The following EML5 variants were observed in gnomAD, a reference collection of about 807,000 sequenced individuals.
The protein encoded by EML5 is EMAP like 5.
A neutral mutation model predicts 250.0 loss-of-function variants in EML5; 120 were observed. The observed-to-expected ratio is 0.48, with a 90% CI of 0.41 to 0.56. The LOEUF (loss-of-function observed/expected upper bound fraction) is 0.56. Ranked by LOEUF, EML5 falls within the 20% of genes least tolerant of loss-of-function variation. EML5 has a pLI of 0.00. For synonymous variants in EML5, 771 were observed against 806.5 expected (o/e 0.96, Z 0.75); for missense variants, 2,006 against 2,437.6 (o/e 0.82, Z 3.73).
intron 25 of EML5, among the ~76,000 whole-genome samples, chr14:88,658,590 G>A (rs1228914731): frequency 6.6e-6 from 1 of 152,056 alleles, no homozygotes; most frequent in East Asian, 1.9e-4. Flanking sequence ...AAAACCAGTA[G>A]TTTCACAAAA....
intron 21 of EML5, among the ~76,000 whole-genome samples, chr14:88,672,840 A>G (rs2092502178): frequency 6.6e-6 from 1 of 152,184 alleles, no homozygotes; most frequent in East Asian, 1.9e-4. Flanking sequence ...GGAACCAGGA[A>G]GAAGTTGAAT....
At chr14:88,686,522 C>CA (rs898831770) in intron 19 of EML5, among the ~76,000 whole-genome samples, 395 of 141,964 alleles carry the variant, frequency 2.8e-3, no homozygotes, top group African/African-American at 6.4e-3. Flanking sequence ...TCCTCCTCTT[C>CA]AAAAAAAAAA....
chr14:88,712,198 G>T, intron 10 of EML5, 73 bp downstream of exon 10: 1 of 1,037,096 alleles, frequency 9.6e-7, no homozygotes, highest in Non-Finnish European at 1.4e-6. Context: ...TTTATCTCAA[G>T]ACTAATTTTC....
chr14:88,776,704 A>C (rs1189895584), intron 1 of EML5, among the ~76,000 whole-genome samples: 1 of 145,200 alleles, frequency 6.9e-6, no homozygotes, highest in East Asian at 2.1e-4. Flanking sequence ...AACATGGCAA[A>C]ACCCTGTCTC....
chr14:88,662,483 G>A (rs1324850034), intron 24 of EML5, among the ~76,000 whole-genome samples: 5 of 149,482 alleles, frequency 3.3e-5, no homozygotes, highest in South Asian at 2.1e-4. Context: ...GCTATTTCAC[G>A]CTTCTTGTCT....
chr14:88,731,935 G>GT (rs1013605497), intron 7 of EML5, among the ~76,000 whole-genome samples: 37 of 152,206 alleles, frequency 2.4e-4, no homozygotes, highest in African/African-American at 8.9e-4. Context: ...TAGTAAATTT[G>GT]TTTGAGTTCT....
chr14:88,700,280 GATTTTTCATCTAA>G (rs1343613067), intron 14 of EML5, among the ~76,000 whole-genome samples: 4 of 152,072 alleles, frequency 2.6e-5, no homozygotes, highest in African/African-American at 9.7e-5. Flanking sequence ...AAACTCTCTA[GATTTTTCATCTAA>G]ATTTCTTTTT....
At chr14:88,707,091 A>C (rs777610591) in intron 10 of EML5, among the ~76,000 whole-genome samples, 10 of 152,134 alleles carry the variant, frequency 6.6e-5, no homozygotes, top group Admixed American at 2.0e-4. Context: ...GTTTTGGGTA[A>C]GGGCAATGTT....
At chr14:88,700,669 C>G (rs1179787021) in intron 14 of EML5, among the ~76,000 whole-genome samples, 1 of 152,098 alleles carries the variant, frequency 6.6e-6, no homozygotes, top group African/African-American at 2.4e-5. Flanking sequence ...TACCTGAAAA[C>G]TCAGAGGTGG....
chr14:88,616,359 G>T, intron 42 of EML5, 117 bp from the exon 43 acceptor site: 1 of 974,786 alleles, frequency 1.0e-6, no homozygotes, highest in Non-Finnish European at 1.6e-6. Context: ...AGTTAGCACC[G>T]CAGCCAGTGA....
chr14:88,702,269 C>G (rs749021847), intron 14 of EML5, among the ~76,000 whole-genome samples, 177 bp downstream of exon 14: 1 of 151,940 alleles, frequency 6.6e-6, no homozygotes, highest in Non-Finnish European at 1.5e-5. Flanking sequence ...AATAAAAACT[C>G]TAAAACTGTA....
At chr14:88,752,170 T>A (rs2094105976) in intron 2 of EML5, among the ~76,000 whole-genome samples, 1 of 152,180 alleles carries the variant, frequency 6.6e-6, no homozygotes, top group Non-Finnish European at 1.5e-5. Context: ...TTTCAACTAG[T>A]AAAAGCTATG....
At chr14:88,769,263 C>T (rs1408942640) in intron 1 of EML5, among the ~76,000 whole-genome samples, 2 of 152,126 alleles carry the variant, frequency 1.3e-5, no homozygotes, top group African/African-American at 4.8e-5. Flanking sequence ...TTACACCTTC[C>T]TCTGGGTGCT....
At chr14:88,629,913 G>A (rs1298461699) in intron 33 of EML5, among the ~76,000 whole-genome samples, 8 of 151,826 alleles carry the variant, frequency 5.3e-5, no homozygotes, top group Admixed American at 5.3e-4. Flanking sequence ...CCAGTATAGA[G>A]ATGCCATAAG....
At chr14:88,725,970 G>A (rs2093660454) in intron 8 of EML5, among the ~76,000 whole-genome samples, 1 of 152,154 alleles carries the variant, frequency 6.6e-6, no homozygotes, top group African/African-American at 2.4e-5. Flanking sequence ...AGAGAAGAAA[G>A]ACTTCGTAAG....
Position 88,713,618 on chromosome 14 carries a change from CA to C in EML5, c.1445-1136del, listed in dbSNP as rs1419306914. 6.2e-5 allele frequency among the ~76,000 whole-genome samples: 9 copies of C among 145,576 alleles called. No homozygotes were observed. The East Asian group carries it at 1.4e-3, about 22-fold the overall frequency. On this transcript the variant is annotated intron_variant, in intron 9 of 43. Coordinates refer to ENST00000554922, the MANE Select transcript of EML5 (RefSeq NM_183387.3). ...CAGGTGCATGCCACCACAACCTGCT[CA>C]TTTTTTTTTTTTTTTTTGGTAGACA...
chr14:88,738,326 T>C lies in EML5; in HGVS notation c.847+553A>G, dbSNP rs1250972351. Among the ~76,000 whole-genome samples the C allele has an allele frequency of 2.0e-5, 3 of 151,912 alleles. No individual in the cohort carries two copies. In the East Asian group the frequency reaches 5.8e-4, roughly 29 times the overall value. Reference sequence around the variant, plus strand: ...AGCCCAAGGTCACACAACTTGTAGGTGACTGGAATATGGTTTAAACACAAA... The same window carrying C: ...AGCCCAAGGTCACACAACTTGTAGGCGACTGGAATATGGTTTAAACACAAA... On this transcript the variant is annotated intron_variant, in intron 6 of 43. Transcript: ENST00000554922.
chr14:88,790,609 A>C (rs2094596385), intron 1 of EML5, among the ~76,000 whole-genome samples: 1 of 152,180 alleles, frequency 6.6e-6, no homozygotes, highest in Non-Finnish European at 1.5e-5. Flanking sequence ...CCACGAGAAG[A>C]CCTCAAAATC....
In EML5 at chr14:88,618,269, A is replaced by G. The variant is rs772769141; in HGVS notation, c.5601T>C (p.Asp1867=). The change falls in exon 41 of 44, where the codon GAT becomes GAC. Residue 1867 remains aspartate, a synonymous_variant. Transcript: ENST00000554922. ...YEVPSGKHLM[D]HAAIDRITWA... is the part of the protein sequence containing the mutation. Reference sequence around the variant, plus strand: ...AAGTAATTCTGTCAATAGCGGCATGATCCATAAGATGTTTTCCTGAAGGCA... The same window carrying G: ...AAGTAATTCTGTCAATAGCGGCATGGTCCATAAGATGTTTTCCTGAAGGCA... The G allele has an allele frequency of 1.1e-5, 18 of 1,613,828 alleles. No individual in the cohort carries two copies. Among genetic ancestry groups the G allele is most frequent in the Non-Finnish European group, 1.5e-5 (18 of 1,179,860 alleles).
Sources: gnomAD v4.1 joint callset for allele counts (sites outside exome capture counted in the v4.1 genomes callset) on GRCh38, gnomAD v4.1.1 for gene constraint, MANE v1.5 for transcripts, NCBI Gene and HGNC (gene_info 2026-07-23, HGNC 2026-07-21) for gene names.